Variants in FAM204A observed in about 807,000 individuals in gnomAD.
FAM204A encodes protein FAM204A.
FAM204A carries 16 observed loss-of-function variants against 35.4 expected under a neutral mutation model. The ratio of observed to expected loss-of-function variants is 0.45; its 90% confidence interval spans 0.31 to 0.69. The LOEUF is 0.69. Ranked by LOEUF, FAM204A falls within the 30% of genes least tolerant of loss-of-function variation. The pLI, the probability that FAM204A is intolerant of heterozygous loss-of-function variation, is 0.07. For synonymous variants in FAM204A, 76 were observed against 86.9 expected (o/e 0.88, Z 0.70); for missense variants, 240 against 265.7 (o/e 0.90, Z 0.67).
intron 8 of FAM204A, 65 bp from the exon 9 acceptor site, chr10:118,310,973 TTTAC>T (rs1845943304): frequency 2.4e-5 from 35 of 1,469,514 alleles, no homozygotes; most frequent in Non-Finnish European, 3.2e-5. Context: ...GCTGAACATG[TTTAC>T]TTAGAGACCA....
chr10:118,341,817 A>T lies in FAM204A; in HGVS notation c.-99T>A, dbSNP rs1846488246. 1 of 152,306 alleles carries T rather than the reference A, an allele frequency of 6.6e-6. No homozygotes were observed. The highest frequency in any genetic ancestry group is 2.4e-5 in the African/African-American group (1 of 41,442). 9.4% of individuals were successfully genotyped at this position (152,306 alleles called of 1,614,324 possible). A position where few individuals can be genotyped will look rare whatever the true frequency, so the allele number is the denominator to read the frequency against. ...GGAATTCTGCAGGCTTTCTGGCGGC[A>T]ATGCCACACTCCAATCCCAAAAGAG... On this transcript the variant is annotated 5_prime_UTR_variant, in exon 2 of 9. Transcript: ENST00000369183.
At chr10:118,336,126 A>C in intron 3 of FAM204A, 56 bp downstream of exon 3, 1 of 1,574,006 alleles carries the variant, frequency 6.4e-7, no homozygotes, top group Non-Finnish European at 8.6e-7. Flanking sequence ...GCAGAGACAC[A>C]CAGAGGCATG....
At chr10:118,330,789 A>C (rs980628950) in intron 6 of FAM204A, among the ~76,000 whole-genome samples, 2 of 152,216 alleles carry the variant, frequency 1.3e-5, no homozygotes, top group Non-Finnish European at 2.9e-5. Context: ...AGTTCACAGC[A>C]GCTCACAAAG....
rs1268997627 is a variant in FAM204A at position 118,301,342 on chromosome 10, A to G, written c.*9515T>C. On this transcript the variant is annotated 3_prime_UTR_variant, in exon 9 of 9. Coordinates refer to ENST00000369183, the MANE Select transcript of FAM204A (RefSeq NM_022063.3). ...TTTACAAATGCTGATAGAAGACACTAGACTCTCAGTTCAGACATTTACTCA... is the reference window on the plus strand; with the variant it reads ...TTTACAAATGCTGATAGAAGACACTGGACTCTCAGTTCAGACATTTACTCA... 1.3e-5 allele frequency: 2 copies of G among 152,246 alleles called. No individual in the cohort carries two copies. Among genetic ancestry groups the G allele is most frequent in the Admixed American group, 6.5e-5 (1 of 15,286 alleles). The allele number at this position is 152,246 out of a possible 1,614,324, so 9.4% of individuals were successfully genotyped here. A position where few individuals can be genotyped will look rare whatever the true frequency, so the allele number is the denominator to read the frequency against.
chr10:118,310,548 G>T lies in FAM204A; in HGVS notation c.*309C>A. ...GCTCACTGGCTGTGCTAAACCAAATGAATGGAAAGCGCCAAAAGTGATTTT... is the reference window on the plus strand; with the variant it reads ...GCTCACTGGCTGTGCTAAACCAAATTAATGGAAAGCGCCAAAAGTGATTTT... On this transcript the variant is annotated 3_prime_UTR_variant, in exon 9 of 9. Transcript: ENST00000369183. The T allele has an allele frequency of 2.2e-5, 6 of 275,280 alleles. No individual in the cohort carries two copies. The highest frequency in any genetic ancestry group is 3.3e-5 in the Non-Finnish European group (5 of 149,278). 17.1% of individuals were successfully genotyped at this position (275,280 alleles called of 1,614,324 possible). A position where few individuals can be genotyped will look rare whatever the true frequency, so the allele number is the denominator to read the frequency against.
chr10:118,319,462 TA>T (rs1414202619), intron 7 of FAM204A, among the ~76,000 whole-genome samples: 1 of 151,964 alleles, frequency 6.6e-6, no homozygotes, highest in Non-Finnish European at 1.5e-5. Context: ...ATAATAAAAT[TA>T]AAATTCAATT....
rs1845792621 is a variant in FAM204A at position 118,300,050 on chromosome 10, G to A, written c.*10807C>T. On this transcript the variant is annotated 3_prime_UTR_variant, in exon 9 of 9. Coordinates refer to ENST00000369183, the MANE Select transcript of FAM204A (RefSeq NM_022063.3). ...ACCGTCCATGACAGCTTGCTGATTTGGGGGAGATGAGTGGGATGTGATTTC... is the reference window on the plus strand; with the variant it reads ...ACCGTCCATGACAGCTTGCTGATTTAGGGGAGATGAGTGGGATGTGATTTC... 6.6e-6 allele frequency: 1 copy of A among 152,206 alleles called. No homozygotes were observed. Among genetic ancestry groups the A allele is most frequent in the Admixed American group, 6.5e-5 (1 of 15,270 alleles). The allele number at this position is 152,206 out of a possible 1,614,324, so 9.4% of individuals were successfully genotyped here. A position where few individuals can be genotyped will look rare whatever the true frequency, so the allele number is the denominator to read the frequency against.
At chr10:118,334,968 C>A in intron 6 of FAM204A, 146 bp downstream of exon 6, 1 of 555,768 alleles carries the variant, frequency 1.8e-6, no homozygotes, top group Non-Finnish European at 3.2e-6. Flanking sequence ...TAATTTGTAA[C>A]TATATATTTA....
At chr10:118,332,255 G>T (rs1229118016) in intron 6 of FAM204A, among the ~76,000 whole-genome samples, 1 of 150,940 alleles carries the variant, frequency 6.6e-6, no homozygotes, top group South Asian at 2.1e-4. Flanking sequence ...AAATGACTTG[G>T]GTTTAAAGTC....
chr10:118,311,125 A>G (rs1488287080), intron 8 of FAM204A, 82 bp downstream of exon 8: 13 of 1,310,756 alleles, frequency 9.9e-6, no homozygotes, highest in Non-Finnish European at 1.4e-5. Context: ...TAACAGTTAT[A>G]CACGAACTAG....
At chr10:118,317,831 C>T (rs1013933187) in intron 7 of FAM204A, among the ~76,000 whole-genome samples, 4 of 151,956 alleles carry the variant, frequency 2.6e-5, no homozygotes, top group Admixed American at 6.6e-5. Flanking sequence ...AAAAGCCCCC[C>T]AGATAATGTG....
rs555045841 is a variant in FAM204A, at chr10:118,333,197, C to T, written c.453+1917G>A. ...AAAAAGGGGAGGAAAAAAAAGACTG[C>T]ACGATAGACACATATTAAGAAGTTT... On this transcript the variant is annotated intron_variant, in intron 6 of 8. Transcript: ENST00000369183. Among the ~76,000 whole-genome samples, 14 of 152,268 alleles carry T rather than the reference C, an allele frequency of 9.2e-5. 1 individual carries two copies. Among genetic ancestry groups the T allele is most frequent in the African/African-American group, 3.1e-4 (13 of 41,554 alleles).
chr10:118,326,152 A>G lies in FAM204A; in HGVS notation c.543+2T>C. ...AGAAAATGTGTAACCCTTTTGACTC[A>G]CCTCTCGAGTAGCTAGCTGGTTGCT... On this transcript the variant is annotated splice_donor_variant, in intron 7 of 8. Transcript: ENST00000369183. LOFTEE classifies it high-confidence loss of function. 1 of 1,611,790 alleles carries G rather than the reference A, an allele frequency of 6.2e-7. No individual in the cohort carries two copies. Among genetic ancestry groups the G allele is most frequent in the Non-Finnish European group, 8.5e-7 (1 of 1,178,622 alleles).
intron 2 of FAM204A, among the ~76,000 whole-genome samples, chr10:118,337,472 G>A (rs1383870613): frequency 1.3e-5 from 2 of 152,102 alleles, no homozygotes; most frequent in Non-Finnish European, 2.9e-5. Flanking sequence ...AACACATCAG[G>A]GATTTTGTGA....
intron 7 of FAM204A, among the ~76,000 whole-genome samples, chr10:118,324,859 A>C (rs1032198923): frequency 6.6e-6 from 1 of 152,192 alleles, no homozygotes; most frequent in African/African-American, 2.4e-5. Context: ...TTTACAATTT[A>C]AAAACCTTAT....
chr10:118,311,800 T>C (rs1368571770), intron 7 of FAM204A, among the ~76,000 whole-genome samples: 1 of 152,180 alleles, frequency 6.6e-6, no homozygotes, highest in African/African-American at 2.4e-5. Context: ...TAATTACTAC[T>C]TCATAAATGC....
chr10:118,325,562 A>G (rs990966600), intron 7 of FAM204A, among the ~76,000 whole-genome samples: 4 of 152,138 alleles, frequency 2.6e-5, no homozygotes, highest in African/African-American at 9.7e-5. Context: ...TTTAATCTAT[A>G]TTGACATTAA....
rs1845897412 is a variant in FAM204A at position 118,308,373 on chromosome 10, G to A, written c.*2484C>T. ...CTTATTTTGCTGTGACTAGAATGGA[G>A]TGGACAAATGACTACATCCTTTGAG... is the stretch of plus-strand genomic sequence containing the variant. On this transcript the variant is annotated 3_prime_UTR_variant, in exon 9 of 9. Coordinates refer to ENST00000369183, the MANE Select transcript of FAM204A (RefSeq NM_022063.3). 1 of 152,200 alleles carries A rather than the reference G, an allele frequency of 6.6e-6. No homozygotes were observed. The allele number at this position is 152,200 out of a possible 1,614,324, so 9.4% of individuals were successfully genotyped here. A position where few individuals can be genotyped will look rare whatever the true frequency, so the allele number is the denominator to read the frequency against.
chr10:118,328,320 C>A (rs1261846826), intron 6 of FAM204A, among the ~76,000 whole-genome samples: 2 of 152,134 alleles, frequency 1.3e-5, no homozygotes, highest in African/African-American at 4.8e-5. Flanking sequence ...TTGCAACCCA[C>A]AATTACCATT....
Sources: gnomAD v4.1 joint callset for allele counts (sites outside exome capture counted in the v4.1 genomes callset) on GRCh38, gnomAD v4.1.1 for gene constraint, MANE v1.5 for transcripts, NCBI Gene and HGNC (gene_info 2026-07-23, HGNC 2026-07-21) for gene names.